The following FBXO15 variants were observed in gnomAD, a reference collection of about 807,000 sequenced individuals.
The protein encoded by FBXO15 is F-box only protein 15.
FBXO15 carries 30 observed loss-of-function variants against 49.5 expected under a neutral mutation model. That is an observed-to-expected ratio of 0.61 (90% CI 0.45 to 0.82). The LOEUF (loss-of-function observed/expected upper bound fraction) is 0.82, where lower values mean the gene tolerates loss of function less well. Ranked by LOEUF, FBXO15 falls within the 40% of genes least tolerant of loss-of-function variation. FBXO15 has a pLI of 0.00. For missense variants in FBXO15, 591 were observed against 631.5 expected (o/e 0.94, Z 0.69); for synonymous variants, 250 against 232.7 (o/e 1.07, Z -0.68).
At chr18:74,079,720 A>T (rs751960086) in intron 9 of FBXO15, among the ~76,000 whole-genome samples, 8 of 152,222 alleles carry the variant, frequency 5.3e-5, no homozygotes, top group Non-Finnish European at 1.0e-4. Context: ...TAGGAACTCA[A>T]ACTAAAGATA....
intron 8 of FBXO15, among the ~76,000 whole-genome samples, chr18:74,103,858 T>G (rs1243232955): frequency 6.6e-6 from 1 of 152,146 alleles, no homozygotes; most frequent in Non-Finnish European, 1.5e-5. Context: ...CAGACCTATC[T>G]TATAAGAAAT....
chr18:74,073,787 C>G (rs1281347937), intron 9 of FBXO15, 57 bp from the exon 10 acceptor site: 18 of 1,539,944 alleles, frequency 1.2e-5, no homozygotes, highest in South Asian at 1.3e-5. Flanking sequence ...CTGATTTTCA[C>G]AGAAAATCGT....
At chr18:74,104,848 C>T (rs1913680058) in intron 8 of FBXO15, among the ~76,000 whole-genome samples, 1 of 152,162 alleles carries the variant, frequency 6.6e-6, no homozygotes, top group Non-Finnish European at 1.5e-5. Flanking sequence ...AGTGCTTTAA[C>T]ATGTCTGCAC....
At chr18:74,078,208 T>G (rs1040609263) in intron 9 of FBXO15, among the ~76,000 whole-genome samples, 5 of 152,086 alleles carry the variant, frequency 3.3e-5, no homozygotes, top group Admixed American at 1.3e-4. Flanking sequence ...GTTCTCAAAG[T>G]CCAGCATTCT....
chr18:74,106,302 T>C (rs538255453), intron 8 of FBXO15, among the ~76,000 whole-genome samples: 2 of 152,274 alleles, frequency 1.3e-5, no homozygotes, highest in South Asian at 2.1e-4. Context: ...CATTAATTAC[T>C]GACATGCAAT....
chr18:74,129,494 T>C lies in FBXO15; in HGVS notation c.696A>G (p.Lys232=), dbSNP rs1788481389. 6.2e-7 allele frequency: 1 copy of C among 1,613,948 alleles called. No individual in the cohort carries two copies. Among genetic ancestry groups the C allele is most frequent in the African/African-American group, 1.3e-5 (1 of 75,044 alleles). ...TSVTVIWYGK[K]WPCLASLSTL... Reference sequence around the variant, plus strand: ...TTGACAATGATGCTAGGCATGGCCATTTTTTGCCATACCATATAACAGTAA... The same window carrying C: ...TTGACAATGATGCTAGGCATGGCCACTTTTTGCCATACCATATAACAGTAA... Residue 232 remains lysine (K), a synonymous_variant, in exon 5 of 10, where the codon AAA becomes AAG. Coordinates refer to ENST00000419743, the MANE Select transcript of FBXO15 (RefSeq NM_001142958.2).
intron 1 of FBXO15, among the ~76,000 whole-genome samples, chr18:74,143,122 C>A (rs558482741): frequency 1.3e-5 from 2 of 152,004 alleles, no homozygotes; most frequent in Non-Finnish European, 2.9e-5. Context: ...CCACACATAC[C>A]CTAAGCATCA....
intron 8 of FBXO15, among the ~76,000 whole-genome samples, chr18:74,101,949 T>C (rs937803392): frequency 2.0e-5 from 3 of 152,094 alleles, no homozygotes; most frequent in African/African-American, 7.2e-5. Flanking sequence ...TCTCCTGCCA[T>C]ACACAAAAAT....
At chr18:74,118,917 A>T (rs1914358765) in intron 8 of FBXO15, among the ~76,000 whole-genome samples, 1 of 152,086 alleles carries the variant, frequency 6.6e-6, no homozygotes, top group Non-Finnish European at 1.5e-5. Flanking sequence ...TAGAAGGGGA[A>T]CTCTGATGCC....
chr18:74,135,801 C>T lies in FBXO15; in HGVS notation c.293G>A (p.Gly98Glu), dbSNP rs1599187080. Residue 98 changes from glycine (G) to glutamate (E), a missense_variant, in exon 3 of 10, where the codon GGA becomes GAA. Physicochemically the swap from Gly to Glu is moderately conservative, Grantham distance 98 (BLOSUM62 -2). Coordinates refer to ENST00000419743, the MANE Select transcript of FBXO15 (RefSeq NM_001142958.2). The stretch of plus-strand genomic sequence containing the variant: ...ATGATAAAAGCGCCTGCTCACACAT[C>T]CAGTACACAGAAGGCTCACAGCATC... ...YLDAVSLLCT[G>E]CVSRRFYHLA... The T allele has an allele frequency of 6.2e-7, 1 of 1,612,434 alleles. No homozygotes were observed. The highest frequency in any genetic ancestry group is 8.5e-7 in the Non-Finnish European group (1 of 1,179,632).
intron 9 of FBXO15, among the ~76,000 whole-genome samples, chr18:74,079,120 G>A (rs552261979): frequency 6.6e-6 from 1 of 152,262 alleles, no homozygotes; most frequent in African/African-American, 2.4e-5. Flanking sequence ...TATAGATTTA[G>A]AAGTAACATT....
intron 5 of FBXO15, 42 bp downstream of exon 5, chr18:74,129,363 A>G (rs371114475): frequency 6.5e-7 from 1 of 1,538,280 alleles, no homozygotes; most frequent in Non-Finnish European, 8.9e-7. Context: ...ATATTTACAT[A>G]TAAGATGCTC....
intron 1 of FBXO15, 26 bp from the exon 2 acceptor site, chr18:74,140,338 A>G: frequency 6.5e-7 from 1 of 1,532,150 alleles, no homozygotes; most frequent in Non-Finnish European, 8.8e-7. Flanking sequence ...GGAAATTCAA[A>G]TTATGTAATT....
chr18:74,142,957 T>C (rs1979177758), intron 1 of FBXO15, among the ~76,000 whole-genome samples: 1 of 152,172 alleles, frequency 6.6e-6, no homozygotes, highest in Non-Finnish European at 1.5e-5. Context: ...AGATAAAATA[T>C]CTACAATTGA....
chr18:74,114,248 T>C (rs1914140029), intron 8 of FBXO15, among the ~76,000 whole-genome samples: 1 of 152,218 alleles, frequency 6.6e-6, no homozygotes, highest in South Asian at 2.1e-4. Flanking sequence ...TGTCTAATGA[T>C]AGACAACATT....
chr18:74,105,543 G>A (rs112516588), intron 8 of FBXO15, among the ~76,000 whole-genome samples: 2,863 of 151,896 alleles, frequency 0.019, 100 homozygotes, highest in African/African-American at 0.062. Context: ...AGGTTCAAAC[G>A]ATTCTCCTGC....
chr18:74,126,120 G>GA lies in FBXO15; in HGVS notation c.786-20_786-19insT, dbSNP rs1914700256. 1 of 1,612,278 alleles carries GA rather than the reference G, an allele frequency of 6.2e-7. No homozygotes were observed. The highest frequency in any genetic ancestry group is 1.7e-5 in the Admixed American group (1 of 59,968). On this transcript the variant is annotated intron_variant, in intron 5 of 9. Coordinates refer to ENST00000419743, the MANE Select transcript of FBXO15 (RefSeq NM_001142958.2). ...TCGGAGTCTTTGAACGTTATGCCAA[G>GA]GAAAGGAGAGAGAGAAGTGAGCTTT... is the stretch of plus-strand genomic sequence containing the variant.
chr18:74,130,311 C>A, intron 4 of FBXO15, 105 bp downstream of exon 4: 3 of 1,442,890 alleles, frequency 2.1e-6, no homozygotes, highest in Non-Finnish European at 2.8e-6. Context: ...ACAAAACACA[C>A]AAAAATACTA....
In FBXO15 at chr18:74,130,391, T is replaced by C. The variant is rs772073821; in HGVS notation, c.575+25A>G. 7 of 1,612,098 alleles carry C rather than the reference T, an allele frequency of 4.3e-6. No homozygotes were observed. The Admixed American group carries it at 1.2e-4, about 27-fold the overall frequency. On this transcript the variant is annotated intron_variant, in intron 4 of 9. Coordinates refer to ENST00000419743, the MANE Select transcript of FBXO15 (RefSeq NM_001142958.2). ...ACGATACTTTGAGCTGATGCCATCA[T>C]TCTCTTTTGGAACACACTGCGTACC... is the stretch of plus-strand genomic sequence containing the variant.
Sources: allele counts gnomAD v4.1 joint callset (sites outside exome capture counted in the v4.1 genomes callset), GRCh38; gene constraint gnomAD v4.1.1; transcripts MANE v1.5; gene names NCBI Gene and HGNC (gene_info 2026-07-23, HGNC 2026-07-21).